The following MACROD2 variants were observed in gnomAD, a reference collection of about 807,000 sequenced individuals.
MACROD2 encodes ADP-ribose glycohydrolase MACROD2.
In MACROD2, 36 loss-of-function variants were observed where a neutral mutation model predicts 70.4. The ratio of observed to expected loss-of-function variants is 0.51; its 90% CI spans 0.39 to 0.68. The LOEUF (loss-of-function observed/expected upper bound fraction) is 0.68. Ranked by LOEUF, MACROD2 falls within the 30% of genes least tolerant of loss-of-function variation. The probability of loss-of-function intolerance (pLI) is 0.00; values close to 1 mark genes in which losing one functional copy is unlikely to be tolerated. For synonymous variants in MACROD2, 172 were observed against 178.8 expected (o/e 0.96, Z 0.30); for missense variants, 496 against 538.4 (o/e 0.92, Z 0.78).
intron 8 of MACROD2, among the ~76,000 whole-genome samples, chr20:15,579,982 A>G (rs1485377935): frequency 3.3e-5 from 5 of 152,160 alleles, no homozygotes; most frequent in Non-Finnish European, 7.4e-5. Context: ...CCGGAATGCA[A>G]GAGTCCTATA....
intron 2 of MACROD2, among the ~76,000 whole-genome samples, chr20:14,022,278 T>C (rs1010524920): frequency 6.6e-6 from 1 of 152,140 alleles, no homozygotes; most frequent in East Asian, 1.9e-4. Context: ...GAATAAAGTA[T>C]TATTTCTTTC....
intron 4 of MACROD2, among the ~76,000 whole-genome samples, chr20:14,620,501 T>C (rs1327872284): frequency 6.6e-6 from 1 of 152,142 alleles, no homozygotes; most frequent in Non-Finnish European, 1.5e-5. Flanking sequence ...AAGTTTTCTT[T>C]TGTTTATCTA....
chr20:14,552,576 G>A (rs1340751346), intron 4 of MACROD2, among the ~76,000 whole-genome samples: 4 of 151,696 alleles, frequency 2.6e-5, no homozygotes, highest in Admixed American at 2.6e-4. Flanking sequence ...AGATCATTAG[G>A]CAATTATGTT....
At chr20:14,746,810 A>G (rs1042402781) in intron 5 of MACROD2, among the ~76,000 whole-genome samples, 2 of 152,092 alleles carry the variant, frequency 1.3e-5, no homozygotes, top group Non-Finnish European at 2.9e-5. Context: ...TTTTTTTCGT[A>G]AGAGTCACTT....
chr20:14,552,463 G>A (rs932139953), intron 4 of MACROD2, among the ~76,000 whole-genome samples: 2 of 151,238 alleles, frequency 1.3e-5, no homozygotes, highest in African/African-American at 4.9e-5. Context: ...GCCTTTTGGT[G>A]TACAAGGATT....
intron 4 of MACROD2, among the ~76,000 whole-genome samples, chr20:14,524,241 A>G (rs1447238925): frequency 6.6e-6 from 1 of 152,188 alleles, no homozygotes; most frequent in Admixed American, 6.5e-5. Context: ...TTCACCCTAC[A>G]TGGTGAAAAT....
intron 5 of MACROD2, among the ~76,000 whole-genome samples, chr20:15,171,741 A>G (rs779556955): frequency 6.6e-6 from 1 of 152,068 alleles, no homozygotes; most frequent in Non-Finnish European, 1.5e-5. Context: ...TCCTCCTTCT[A>G]TCCCATTATT....
chr20:14,866,018 T>C (rs2073424138), intron 5 of MACROD2, among the ~76,000 whole-genome samples: 1 of 152,136 alleles, frequency 6.6e-6, no homozygotes, highest in African/African-American at 2.4e-5. Flanking sequence ...CTTCATAATG[T>C]CTGACTCCCC....
intron 8 of MACROD2, among the ~76,000 whole-genome samples, chr20:15,751,578 C>G (rs1034838664): frequency 6.6e-6 from 1 of 151,662 alleles, no homozygotes; most frequent in East Asian, 1.9e-4. Flanking sequence ...CCCTTTTATC[C>G]TCTTCTAAGA....
At chr20:15,480,364 C>A (rs998715118) in intron 7 of MACROD2, among the ~76,000 whole-genome samples, 1 of 152,214 alleles carries the variant, frequency 6.6e-6, no homozygotes, top group African/African-American at 2.4e-5. Flanking sequence ...TTAACCAATT[C>A]TGGTTGCCTC....
chr20:15,156,171 G>A (rs1482705714), intron 5 of MACROD2, among the ~76,000 whole-genome samples: 1 of 152,108 alleles, frequency 6.6e-6, no homozygotes, highest in African/African-American at 2.4e-5. Flanking sequence ...AAGAAGTGAT[G>A]GCAAGGATGT....
chr20:15,228,583 T>C (rs2076932324), intron 5 of MACROD2, among the ~76,000 whole-genome samples: 1 of 144,966 alleles, frequency 6.9e-6, no homozygotes, highest in African/African-American at 2.6e-5. Flanking sequence ...TCCGACTCCC[T>C]GGTTCAAGCG....
At chr20:15,715,301 G>A (rs1188860529) in intron 8 of MACROD2, among the ~76,000 whole-genome samples, 2 of 152,042 alleles carry the variant, frequency 1.3e-5, no homozygotes, top group Non-Finnish European at 2.9e-5. Context: ...AGTCATGTCA[G>A]CAAACGTGTA....
Position 15,705,780 on chromosome 20 carries a change from C to CA in MACROD2, c.646-156965_646-156964insA, listed in dbSNP as rs373264076. Among the ~76,000 whole-genome samples the CA allele has an allele frequency of 2.7e-3, 412 of 151,536 alleles. 1 individual carries two copies. Among genetic ancestry groups the CA allele is most frequent in the African/African-American group, 9.4e-3 (389 of 41,310 alleles). ...AATTCAGAGAAAAATGTTTACCTTCCTTTTTTTTTCTTACAGGATGTAGCT... is the reference window on the plus strand; with the variant it reads ...AATTCAGAGAAAAATGTTTACCTTCCATTTTTTTTTCTTACAGGATGTAGCT... On this transcript the variant is annotated intron_variant, in intron 8 of 17. Coordinates refer to ENST00000684519, the MANE Select transcript of MACROD2 (RefSeq NM_001351661.2).
At position 15,762,896 on chromosome 20, in the gene MACROD2, G is replaced by A. The variant is rs551352000; in HGVS notation, c.646-99849G>A. 5.3e-5 allele frequency among the ~76,000 whole-genome samples: 8 copies of A among 152,202 alleles called. No homozygotes were observed. In the East Asian group the frequency reaches 1.5e-3, roughly 29 times the overall value. ...ATATGTGCCCAATGAGTGAGTGTAC[G>A]GGCACATGCACAACATATACACATA... is the stretch of plus-strand genomic sequence containing the variant. On this transcript the variant is annotated intron_variant, in intron 8 of 17. Transcript: ENST00000684519.
intron 3 of MACROD2, among the ~76,000 whole-genome samples, chr20:14,092,024 C>T (rs2054156869): frequency 6.6e-6 from 1 of 152,088 alleles, no homozygotes; most frequent in African/African-American, 2.4e-5. Context: ...AACTGTTTTT[C>T]ATAGTAGTTG....
intron 5 of MACROD2, among the ~76,000 whole-genome samples, chr20:14,933,465 AG>A (rs2122685200): frequency 6.6e-6 from 1 of 152,140 alleles, no homozygotes; most frequent in African/African-American, 2.4e-5. Context: ...AGATCACTTG[AG>A]TCCAAGAGTT....
chr20:15,796,522 G>A (rs2063675529), intron 8 of MACROD2, among the ~76,000 whole-genome samples: 2 of 152,306 alleles, frequency 1.3e-5, no homozygotes, highest in South Asian at 4.1e-4. Flanking sequence ...GATTGAATGT[G>A]CAGGCTCTAA....
At chr20:15,624,773 G>T (rs1169763888) in intron 8 of MACROD2, among the ~76,000 whole-genome samples, 1 of 152,120 alleles carries the variant, frequency 6.6e-6, no homozygotes, top group Non-Finnish European at 1.5e-5. Flanking sequence ...CTGATTTCTG[G>T]TATAGGACAA....
Sources: gnomAD v4.1 joint callset for allele counts (sites outside exome capture counted in the v4.1 genomes callset) on GRCh38, gnomAD v4.1.1 for gene constraint, MANE v1.5 for transcripts, NCBI Gene and HGNC (gene_info 2026-07-23, HGNC 2026-07-21) for gene names.